The following ABR variants were observed in gnomAD, a reference collection of about 807,000 sequenced individuals.
The protein encoded by ABR is ABR activator of RhoGEF and GTPase.
ABR carries 35 observed loss-of-function variants against 107.2 expected under a neutral mutation model. The ratio of observed to expected loss-of-function variants is 0.33; its 90% confidence interval spans 0.25 to 0.43. The LOEUF (loss-of-function observed/expected upper bound fraction) is 0.43. ABR is among the 20% of genes least tolerant of loss of function. The pLI is 1.00. For synonymous variants in ABR, 498 were observed against 462.0 expected (o/e 1.08, Z -1.00); for missense variants, 815 against 1,115.2 (o/e 0.73, Z 3.83).
chr17:1,183,007 A>G (rs2042182992), upstream of ABR, among the ~76,000 whole-genome samples: 1 of 152,166 alleles, frequency 6.6e-6, no homozygotes, highest in Non-Finnish European at 1.5e-5. Flanking sequence ...CCTGGCACTG[A>G]GGAGTTGGGG....
intron 1 of ABR, among the ~76,000 whole-genome samples, chr17:1,143,905 T>C (rs2040421074): frequency 6.6e-6 from 1 of 152,048 alleles, no homozygotes; most frequent in Non-Finnish European, 1.5e-5. Flanking sequence ...ATGCTGAGTA[T>C]TATCTGCGCA....
intron 16 of ABR, among the ~76,000 whole-genome samples, chr17:1,024,062 G>A (rs1253177931): frequency 8.0e-6 from 1 of 124,792 alleles, no homozygotes; most frequent in Admixed American, 8.5e-5. Context: ...AGCATCAACA[G>A]CCTTCTCTGA....
intron 16 of ABR, 162 bp downstream of exon 16, chr17:1,049,875 GGCCACAACAGGCA>G (rs1413151868): frequency 3.5e-6 from 3 of 852,102 alleles, no homozygotes; most frequent in Non-Finnish European, 5.4e-6. Flanking sequence ...GGGCTTCCGG[GGCCACAACAGGCA>G]GCCACCTCTA....
At chr17:1,088,015 G>C (rs1487059225) in intron 4 of ABR, among the ~76,000 whole-genome samples, 1 of 152,214 alleles carries the variant, frequency 6.6e-6, no homozygotes, top group Admixed American at 6.5e-5. Flanking sequence ...CCTTCTCTCA[G>C]TAACGAATAA....
At chr17:1,073,794 G>T in intron 6 of ABR, 117 bp from the exon 7 acceptor site, 1 of 897,972 alleles carries the variant, frequency 1.1e-6, no homozygotes, top group Non-Finnish European at 1.7e-6. Flanking sequence ...CCCCTCGAGG[G>T]ACACCAGAGT....
intron 1 of ABR, among the ~76,000 whole-genome samples, chr17:1,219,206 A>C (rs1383246449): frequency 6.6e-6 from 1 of 151,496 alleles, no homozygotes; most frequent in Non-Finnish European, 1.5e-5. Context: ...CCACGCCTGG[A>C]TAATTTTTGT....
intron 1 of ABR, among the ~76,000 whole-genome samples, chr17:1,175,391 G>A (rs1292738979): frequency 1.3e-5 from 2 of 151,948 alleles, no homozygotes; most frequent in African/African-American, 2.4e-5. Context: ...CAGCCTGGGC[G>A]AGAGAGCGAG....
rs1439028873 is a variant in ABR, at chr17:1,092,838, T to G, written c.346-988A>C. Among the ~76,000 whole-genome samples the G allele has an allele frequency of 6.7e-6, 1 of 148,516 alleles. No homozygotes were observed. The highest frequency in any genetic ancestry group is 1.5e-5 in the Non-Finnish European group (1 of 66,762). Reference sequence around the variant, plus strand: ...GAGGGAGAGCAGCCACGTCGAATTCTTTTTTTTTTGGAGACGGAGTCTCGC... The same window carrying G: ...GAGGGAGAGCAGCCACGTCGAATTCGTTTTTTTTTGGAGACGGAGTCTCGC... On this transcript the variant is annotated intron_variant, in intron 3 of 22. Coordinates refer to ENST00000302538, the MANE Select transcript of ABR (RefSeq NM_021962.5). The surrounding 1 kb of genome is among the most constrained non-coding windows in gnomAD (Gnocchi z 4.6).
At chr17:1,152,756 A>G (rs192352448) in intron 1 of ABR, among the ~76,000 whole-genome samples, 19 of 152,248 alleles carry the variant, frequency 1.2e-4, no homozygotes, top group Admixed American at 9.8e-4. Context: ...GCGCTCTGTT[A>G]TCTTTAGCAA....
chr17:1,101,668 G>A (rs894933263), intron 2 of ABR, among the ~76,000 whole-genome samples: 6 of 152,062 alleles, frequency 3.9e-5, no homozygotes, highest in Non-Finnish European at 8.8e-5. Flanking sequence ...TAGATACCAT[G>A]GGAAACAGAC....
chr17:1,225,751 C>A (rs1157408019), intron 1 of ABR, among the ~76,000 whole-genome samples: 1 of 152,116 alleles, frequency 6.6e-6, no homozygotes, highest in South Asian at 2.1e-4. Flanking sequence ...CAGGACCCGT[C>A]CAAAACGCTT....
chr17:1,210,826 T>C lies in ABR; in HGVS notation c.838+17967A>G, dbSNP rs80093795. ...TTAAGGACATTTAGAACCGTATTTT[T>C]GCATCCTTTTAACATCAACCTGTAG... On this transcript the variant is annotated intron_variant, in intron 1 of 22. Coordinates refer to the ABR transcript ENST00000574139. This position sits in a 1 kb window ranked among gnomAD's most constrained non-coding sequence, Gnocchi z 5.6. 5.5e-3 allele frequency among the ~76,000 whole-genome samples: 836 copies of C among 152,348 alleles called. 7 individuals carry two copies. Among genetic ancestry groups the C allele is most frequent in the Non-Finnish European group, 8.3e-3 (563 of 68,034 alleles).
At position 1,105,870 on chromosome 17, in the gene ABR, G is replaced by GA. The variant is rs34646182; in HGVS notation, c.247-5136dup. ...GACAGAGTGAGACTCTGTCTCAAAAGAAAAAAAAAAATGGCACAGAATGAT... is the reference window on the plus strand; with the variant it reads ...GACAGAGTGAGACTCTGTCTCAAAAGAAAAAAAAAAAATGGCACAGAATGAT... On this transcript the variant is annotated intron_variant, in intron 2 of 22. Transcript: ENST00000302538. 1.3e-3 allele frequency among the ~76,000 whole-genome samples: 193 copies of GA among 144,736 alleles called. 1 individual carries two copies. The highest frequency in any genetic ancestry group is 2.9e-3 in the African/African-American group (114 of 39,400). The allele number at this position is 144,736 out of a possible 152,430, so 95.0% of individuals were successfully genotyped here.
At chr17:1,054,204 G>A (rs1001764492) in intron 14 of ABR, among the ~76,000 whole-genome samples, 1 of 152,244 alleles carries the variant, frequency 6.6e-6, no homozygotes, top group Non-Finnish European at 1.5e-5. Flanking sequence ...GAGACTGAGA[G>A]GCTCTGAACA....
At chr17:1,138,192 C>A (rs2040158690) in intron 1 of ABR, among the ~76,000 whole-genome samples, 1 of 152,000 alleles carries the variant, frequency 6.6e-6, no homozygotes, top group African/African-American at 2.4e-5. Context: ...GTGTGACCCA[C>A]CACGTCCAGC....
chr17:1,202,155 G>A (rs576608712), intron 1 of ABR, among the ~76,000 whole-genome samples: 7 of 152,250 alleles, frequency 4.6e-5, no homozygotes, highest in South Asian at 2.1e-4. Context: ...CTCTGTAGCC[G>A]CTCTGTTGCC....
At position 1,011,071 on chromosome 17, in the gene ABR, T is replaced by C; in HGVS notation, c.2102-208A>G. 1 of 608,340 alleles carries C rather than the reference T, an allele frequency of 1.6e-6. No individual in the cohort carries two copies. The highest frequency in any genetic ancestry group is 2.9e-6 in the Non-Finnish European group (1 of 349,894). 37.7% of individuals were successfully genotyped at this position (608,340 alleles called of 1,614,324 possible). A position where few individuals can be genotyped will look rare whatever the true frequency, so the allele number is the denominator to read the frequency against. On this transcript the variant is annotated intron_variant, in intron 19 of 22. Transcript: ENST00000302538. This position sits in a 1 kb window ranked among gnomAD's most constrained non-coding sequence, Gnocchi z 4.8. ...ACAGGGAGAGATAGCCTGGGGGCCA[T>C]CTGCTGTGGCTGCTTGGGAAAGGGT...
intron 1 of ABR, among the ~76,000 whole-genome samples, chr17:1,175,195 T>A (rs1194907521): frequency 6.6e-6 from 1 of 151,494 alleles, no homozygotes; most frequent in East Asian, 1.9e-4. Context: ...GTGGATCACC[T>A]GAGGTCAGGA....
At chr17:1,219,006 T>C (rs1327192269) in intron 1 of ABR, among the ~76,000 whole-genome samples, 1 of 152,044 alleles carries the variant, frequency 6.6e-6, no homozygotes, top group Non-Finnish European at 1.5e-5. Context: ...TAGGTTTGCA[T>C]GGTGCTTAAT....
Sources: allele counts gnomAD v4.1 joint callset (sites outside exome capture counted in the v4.1 genomes callset), GRCh38; gene constraint gnomAD v4.1.1; non-coding constraint Gnocchi (gnomAD v3.1); transcripts MANE v1.5; gene names NCBI Gene and HGNC (gene_info 2026-07-23, HGNC 2026-07-21).